The following MSANTD1 variants were observed in gnomAD, a reference collection of about 807,000 sequenced individuals.
The protein encoded by MSANTD1 is Myb/SANT DNA binding domain containing 1, also known as myb/SANT-like DNA-binding domain-containing protein 1.
A neutral mutation model predicts 24.2 loss-of-function variants in MSANTD1; 7 were observed. That is an observed-to-expected ratio of 0.29 (90% CI 0.16 to 0.54). MSANTD1 has a LOEUF of 0.54. MSANTD1 is among the 20% of genes least tolerant of loss of function. The pLI, the probability that MSANTD1 is intolerant of heterozygous loss-of-function variation, is 0.94. For missense variants in MSANTD1, 384 were observed against 408.2 expected (o/e 0.94, Z 0.51); for synonymous variants, 177 against 181.1 (o/e 0.98, Z 0.18).
chr4:3,245,978 C>A (rs573645958), upstream of MSANTD1, among the ~76,000 whole-genome samples: 443 of 152,278 alleles, frequency 2.9e-3, 4 homozygotes, highest in African/African-American at 0.01. Flanking sequence ...GGCCCCTGCC[C>A]TCCATGCTTG....
Position 3,253,441 on chromosome 4 carries a change from T to C in MSANTD1, c.555T>C (p.Asp185=). ...QCSYEGRFED[D]RSDSSSSLLS... is the part of the protein sequence containing the mutation. ...CCTACGAAGGCCGCTTCGAGGATGA[T>C]CGCTCCGACAGCTCCTCCAGCTTAC... Residue 185 remains aspartate (D), a synonymous_variant, in exon 2 of 3, where the codon GAT becomes GAC. Coordinates refer to ENST00000438480, the MANE Select transcript of MSANTD1 (RefSeq NM_001042690.2). 6.3e-7 allele frequency: 1 copy of C among 1,580,406 alleles called. No individual in the cohort carries two copies. Among genetic ancestry groups the C allele is most frequent in the Non-Finnish European group, 8.6e-7 (1 of 1,159,610 alleles).
In MSANTD1 at chr4:3,256,113, G is replaced by A. The variant is rs1221870197; in HGVS notation, c.*148G>A. ...TGGCCTCTGGCAGGATGTCCCTTCT[G>A]AGGGGTATTTTGAGGAACCCCCAGG... On this transcript the variant is annotated 3_prime_UTR_variant, in exon 3 of 3. Coordinates refer to ENST00000438480, the MANE Select transcript of MSANTD1 (RefSeq NM_001042690.2). 1 of 1,031,634 alleles carries A rather than the reference G, an allele frequency of 9.7e-7. No individual in the cohort carries two copies. The highest frequency in any genetic ancestry group is 1.3e-6 in the Non-Finnish European group (1 of 756,002). 63.9% of individuals were successfully genotyped at this position (1,031,634 alleles called of 1,614,324 possible).
At chr4:3,251,271 C>T (rs760626898) in intron 1 of MSANTD1, among the ~76,000 whole-genome samples, 9 of 152,252 alleles carry the variant, frequency 5.9e-5, no homozygotes, top group East Asian at 1.9e-4. Flanking sequence ...CAGGAATTCA[C>T]GGGCACCACC....
At position 3,249,213 on chromosome 4, in the gene MSANTD1, C is replaced by T; in HGVS notation, c.-10C>T. ...TGCCTTCGAGCGAGCGTGAGCGGCG[C>T]CTCCCGCCCATGGTGCGTGGGGCCG... On this transcript the variant is annotated 5_prime_UTR_variant, in exon 1 of 3. Transcript: ENST00000438480. The T allele has an allele frequency of 1.4e-6, 2 of 1,386,494 alleles. No individual in the cohort carries two copies. The highest frequency in any genetic ancestry group is 1.9e-6 in the Non-Finnish European group (2 of 1,072,998). 85.9% of individuals were successfully genotyped at this position (1,386,494 alleles called of 1,614,324 possible). A position where few individuals can be genotyped will look rare whatever the true frequency, so the allele number is the denominator to read the frequency against.
chr4:3,252,853 A>G (rs1188622430), intron 1 of MSANTD1, among the ~76,000 whole-genome samples: 1 of 152,246 alleles, frequency 6.6e-6, no homozygotes, highest in Non-Finnish European at 1.5e-5. Flanking sequence ...TTCAAAATGA[A>G]TTATTTAAAA....
At chr4:3,250,491 C>T (rs948800722) in intron 1 of MSANTD1, among the ~76,000 whole-genome samples, 1 of 152,030 alleles carries the variant, frequency 6.6e-6, no homozygotes, top group East Asian at 1.9e-4. Flanking sequence ...GTCACAGGTG[C>T]GGTGAGGGTC....
intron 1 of MSANTD1, among the ~76,000 whole-genome samples, chr4:3,252,858 T>G (rs1722269663): frequency 6.6e-6 from 1 of 152,242 alleles, no homozygotes; most frequent in Non-Finnish European, 1.5e-5. Flanking sequence ...AATGAATTAT[T>G]TAAAAAGCAG....
chr4:3,255,616 G>T, intron 2 of MSANTD1, 109 bp from the exon 3 acceptor site: 1 of 1,359,728 alleles, frequency 7.4e-7, no homozygotes, highest in Non-Finnish European at 9.7e-7. Context: ...ACTCCCTGGG[G>T]CCTCAGTTTC....
Position 3,255,883 on chromosome 4 carries a change from A to G in MSANTD1, c.755A>G (p.His252Arg). Residue 252 changes from histidine (H) to arginine (R), a missense_variant, in exon 3 of 3, where the codon CAC becomes CGC. His to Arg is a conservative substitution (Grantham distance 29, BLOSUM62 0). Coordinates refer to ENST00000438480, the MANE Select transcript of MSANTD1 (RefSeq NM_001042690.2). ...GTGCGCCGCGTGCTGGACCAGCAGC[A>G]CATCCTGCAGGTGCAGAGCCTGCAG... ...REVRRVLDQQHILQVQSLQLQ... is the reference protein window; with the variant it reads ...REVRRVLDQQRILQVQSLQLQ... 1 of 1,545,852 alleles carries G rather than the reference A, an allele frequency of 6.5e-7. No individual in the cohort carries two copies. The highest frequency in any genetic ancestry group is 8.7e-7 in the Non-Finnish European group (1 of 1,146,302).
intron 1 of MSANTD1, among the ~76,000 whole-genome samples, chr4:3,252,313 G>A (rs562192973): frequency 4.6e-5 from 7 of 152,358 alleles, no homozygotes; most frequent in East Asian, 3.9e-4. Context: ...GAGGGCAGCC[G>A]AGGCCCAGGG....
intron 1 of MSANTD1, among the ~76,000 whole-genome samples, 177 bp downstream of exon 1, chr4:3,249,719 C>A (rs1391248463): frequency 6.6e-6 from 1 of 152,254 alleles, no homozygotes. Flanking sequence ...CCACGGAAAC[C>A]GTGTGTGCAG....
At chr4:3,246,097 G>A (rs532229108), upstream of MSANTD1, among the ~76,000 whole-genome samples, 2 of 152,128 alleles carry the variant, frequency 1.3e-5, no homozygotes, top group African/African-American at 2.4e-5. Context: ...CTGCCCCAGC[G>A]GCGGCAGTGT....
chr4:3,249,596 G>A (rs546723324), intron 1 of MSANTD1, 54 bp downstream of exon 1: 160 of 1,509,214 alleles, frequency 1.1e-4, no homozygotes, highest in South Asian at 2.4e-4. Flanking sequence ...CGGGCGTGGC[G>A]GGCCGCTCCT....
intron 1 of MSANTD1, among the ~76,000 whole-genome samples, chr4:3,249,897 G>T (rs1464224048): frequency 6.6e-6 from 1 of 152,122 alleles, no homozygotes; most frequent in East Asian, 1.9e-4. Context: ...ACTCATGGTG[G>T]TGCCCACTGA....
chr4:3,249,679 T>TGGGCAGAACCCCACGGGGTGAGACGG, intron 1 of MSANTD1, 137 bp downstream of exon 1: 1 of 836,172 alleles, frequency 1.2e-6, no homozygotes, highest in South Asian at 1.8e-5. Flanking sequence ...TGGCCGGGTA[T>TGGGCAGAACCCCACGGGGTGAGACGG]GGGCAGAACC....
chr4:3,246,623 G>C (rs558383636), upstream of MSANTD1: 1 of 693,420 alleles, frequency 1.4e-6, no homozygotes, highest in African/African-American at 1.8e-5. Flanking sequence ...GGCCCTAGGA[G>C]ACCCCGTAGC....
chr4:3,251,057 G>A (rs1012271754), intron 1 of MSANTD1, among the ~76,000 whole-genome samples: 3 of 152,276 alleles, frequency 2.0e-5, no homozygotes, highest in Non-Finnish European at 4.4e-5. Context: ...TGAGCATGAC[G>A]GATGTTGGGT....
upstream of MSANTD1, among the ~76,000 whole-genome samples, chr4:3,246,917 G>A (rs907672034): frequency 2.6e-5 from 4 of 152,146 alleles, no homozygotes; most frequent in African/African-American, 7.2e-5. Flanking sequence ...AGGATGGTGC[G>A]GGTGTGGGGT....
upstream of MSANTD1, chr4:3,246,521 C>G (rs1409729654): frequency 9.1e-6 from 5 of 551,834 alleles, no homozygotes; most frequent in Admixed American, 3.3e-5. Flanking sequence ...CCAGCAGGGC[C>G]CCGCCCATGT....
Sources: gnomAD v4.1 joint callset for allele counts (sites outside exome capture counted in the v4.1 genomes callset) on GRCh38, gnomAD v4.1.1 for gene constraint, MANE v1.5 for transcripts, NCBI Gene and HGNC (gene_info 2026-07-23, HGNC 2026-07-21) for gene names.